Variants in ABCC8 observed in about 807,000 individuals in gnomAD.
ABCC8 encodes the protein ATP binding cassette subfamily C member 8, also known as ATP-binding cassette sub-family C member 8.
Under a neutral mutation model 188.0 loss-of-function variants are expected in ABCC8, and 137 were observed. The ratio of observed to expected loss-of-function variants is 0.73; its 90% CI spans 0.63 to 0.84. ABCC8 has a LOEUF of 0.84. Among genes scored for constraint, ABCC8 ranks in the 40% least tolerant of loss-of-function variants. ABCC8 has a pLI of 0.00. For synonymous variants in ABCC8, 797 were observed against 846.5 expected, an observed-to-expected ratio of 0.94 and a Z score of 1.01; for missense variants, 1,750 against 2,072.7, an observed-to-expected ratio of 0.84 and a Z score of 3.02.
intron 34 of ABCC8, 25 bp from the exon 35 acceptor site, chr11:17,395,743 AG>A (rs1440206600): frequency 6.4e-7 from 1 of 1,552,624 alleles, no homozygotes; most frequent in South Asian, 1.2e-5. Context: ...GTGAGGGTGC[AG>A]GGGAAGGCGG....
chr11:17,435,542 G>T, intron 10 of ABCC8: 1 of 1,203,204 alleles, frequency 8.3e-7, no homozygotes, highest in South Asian at 1.2e-5. Flanking sequence ...CTGCTCCAAG[G>T]GGATCTAAAA....
intron 5 of ABCC8, 25 bp from the exon 6 acceptor site, chr11:17,460,701 T>C (rs754311651): frequency 6.2e-7 from 1 of 1,603,336 alleles, no homozygotes; most frequent in Non-Finnish European, 8.5e-7. Flanking sequence ...CATGGCCAGG[T>C]CAGAGTGCCT....
chr11:17,394,246 T>A lies in ABCC8; in HGVS notation c.4545+20A>T, dbSNP rs771037825. ...AACCCTTTCCAAGACCATGGTCCCA[T>A]GGAGGGGCCCAGGACCAACCGTGGC... On this transcript the variant is annotated intron_variant, in intron 37 of 38. Coordinates refer to ENST00000389817, the MANE Select transcript of ABCC8 (RefSeq NM_000352.6). The A allele has an allele frequency of 1.2e-6, 2 of 1,612,012 alleles. No individual in the cohort carries two copies. The highest frequency in any genetic ancestry group is 2.2e-5 in the South Asian group (2 of 91,040).
chr11:17,408,230 ACT>A (rs1954634248), intron 23 of ABCC8, 160 bp downstream of exon 23: 2 of 668,500 alleles, frequency 3.0e-6, no homozygotes, highest in Non-Finnish European at 5.1e-6. Flanking sequence ...TGGCACAGGT[ACT>A]GTCTCTCCTC....
At chr11:17,393,974 TTGTGGC>T (rs1455740172) in intron 37 of ABCC8, among the ~76,000 whole-genome samples, 2 of 152,022 alleles carry the variant, frequency 1.3e-5, no homozygotes, top group Non-Finnish European at 2.9e-5. Flanking sequence ...TAGGTTGTGG[TTGTGGC>T]TGTGTGTGTG....
chr11:17,438,815 C>T (rs576911945), intron 10 of ABCC8, among the ~76,000 whole-genome samples: 2 of 152,346 alleles, frequency 1.3e-5, no homozygotes, highest in East Asian at 1.9e-4. Flanking sequence ...CTCTGTGCTT[C>T]GCCTTTTGCT....
chr11:17,435,557 A>C, intron 10 of ABCC8: 1 of 1,309,950 alleles, frequency 7.6e-7, no homozygotes, highest in East Asian at 2.3e-5. Flanking sequence ...CTAAAAGCAC[A>C]AAAGGATTTA....
rs977570756 is a variant in ABCC8, at chr11:17,425,689, A to T, written c.2222+1360T>A. Among the ~76,000 whole-genome samples the T allele has an allele frequency of 3.9e-5, 6 of 152,164 alleles. No individual in the cohort carries two copies. In the East Asian group the frequency reaches 1.2e-3, roughly 29 times the overall value. On this transcript the variant is annotated intron_variant, in intron 16 of 38. Transcript: ENST00000389817. Reference sequence around the variant, plus strand: ...TTTTAAAGGGTTTTATTTTACATGCATCTTTTTTTATTATACTTCAAGTTC... The same window carrying T: ...TTTTAAAGGGTTTTATTTTACATGCTTCTTTTTTTATTATACTTCAAGTTC...
At position 17,448,724 on chromosome 11, in the gene ABCC8, C is replaced by G. The variant is rs2133617921; in HGVS notation, c.1177-53G>C. ...TTCATCATCATTCTCATCATCATCACCACACCAGATGCCACCTGTTACAGT... is the reference window on the plus strand; with the variant it reads ...TTCATCATCATTCTCATCATCATCAGCACACCAGATGCCACCTGTTACAGT... On this transcript the variant is annotated intron_variant, in intron 7 of 38. Transcript: ENST00000389817. 6.2e-7 allele frequency: 1 copy of G among 1,613,352 alleles called. No homozygotes were observed. Among genetic ancestry groups the G allele is most frequent in the East Asian group, 2.2e-5 (1 of 44,850 alleles).
chr11:17,453,048 G>T, intron 7 of ABCC8, 71 bp downstream of exon 7: 2 of 1,311,590 alleles, frequency 1.5e-6, no homozygotes, highest in South Asian at 1.2e-5. Flanking sequence ...CCATGAGGAT[G>T]AATAACACTC....
chr11:17,470,327 T>A, intron 2 of ABCC8, 105 bp from the exon 3 acceptor site: 2 of 1,574,968 alleles, frequency 1.3e-6, no homozygotes, highest in African/African-American at 1.3e-5. Context: ...CTTTATAGCA[T>A]CACTTTATAG....
At chr11:17,440,738 A>C (rs1956282880) in intron 10 of ABCC8, among the ~76,000 whole-genome samples, 1 of 152,246 alleles carries the variant, frequency 6.6e-6, no homozygotes, top group Non-Finnish European at 1.5e-5. Flanking sequence ...GGCATAGGAC[A>C]CCATGGTCTA....
chr11:17,443,549 C>T (rs1035882597), intron 8 of ABCC8: 43 of 543,384 alleles, frequency 7.9e-5, no homozygotes, highest in Non-Finnish European at 2.3e-5. Context: ...TAACTAACTG[C>T]ATTTATCTGC....
chr11:17,408,588 G>A, intron 22 of ABCC8, 71 bp from the exon 23 acceptor site: 1 of 1,565,424 alleles, frequency 6.4e-7, no homozygotes, highest in Non-Finnish European at 8.6e-7. Flanking sequence ...CCTCAATTGT[G>A]GAGTCTAAGA....
intron 16 of ABCC8, 101 bp from the exon 17 acceptor site, chr11:17,417,063 C>A: frequency 6.3e-7 from 1 of 1,581,188 alleles, no homozygotes; most frequent in Non-Finnish European, 8.6e-7. Flanking sequence ...CCACCTCCAA[C>A]CCTCCCACCC....
intron 10 of ABCC8, among the ~76,000 whole-genome samples, chr11:17,437,644 G>A (rs916404375): frequency 1.3e-5 from 2 of 152,244 alleles, no homozygotes; most frequent in Non-Finnish European, 2.9e-5. Flanking sequence ...GCTGGCAGCT[G>A]AGGAAGTGTG....
At chr11:17,408,851 T>G (rs1954667769) in intron 22 of ABCC8, among the ~76,000 whole-genome samples, 4 of 152,190 alleles carry the variant, frequency 2.6e-5, no homozygotes, top group Admixed American at 2.0e-4. Flanking sequence ...TACACTACCC[T>G]TAGCTCCTCT....
chr11:17,426,610 C>T (rs1004429703), intron 16 of ABCC8, among the ~76,000 whole-genome samples: 1 of 152,020 alleles, frequency 6.6e-6, no homozygotes, highest in Non-Finnish European at 1.5e-5. Context: ...GTCAGTGCAG[C>T]TCAGGACCAA....
intron 10 of ABCC8, among the ~76,000 whole-genome samples, chr11:17,437,040 G>A (rs1045797518): frequency 2.2e-5 from 3 of 134,492 alleles, no homozygotes; most frequent in East Asian, 2.4e-4. Flanking sequence ...GCAGTGAGCC[G>A]AGATCGCGCC....
Sources: allele counts gnomAD v4.1 joint callset (sites outside exome capture counted in the v4.1 genomes callset), GRCh38; gene constraint gnomAD v4.1.1; transcripts MANE v1.5; gene names NCBI Gene and HGNC (gene_info 2026-07-23, HGNC 2026-07-21).